Variants in RAB5C observed in about 807,000 individuals in gnomAD.
The protein encoded by RAB5C is RAB5C, member RAS oncogene family.
A neutral mutation model predicts 25.2 loss-of-function variants in RAB5C; 4 were observed. The ratio of observed to expected loss-of-function variants is 0.16; its 90% CI spans 0.08 to 0.36. The LOEUF (loss-of-function observed/expected upper bound fraction) is 0.36. Among genes scored for constraint, RAB5C ranks in the 10% least tolerant of loss-of-function variants. RAB5C has a pLI of 1.00. For missense variants in RAB5C, 199 were observed against 283.8 expected (o/e 0.70, Z 2.15); for synonymous variants, 100 against 106.4 (o/e 0.94, Z 0.37).
chr17:42,134,028 G>A (rs1298590941), intron 1 of RAB5C, among the ~76,000 whole-genome samples: 1 of 152,118 alleles, frequency 6.6e-6, no homozygotes, highest in East Asian at 1.9e-4. Flanking sequence ...GCCTGGCCCT[G>A]CTTGGTGATC....
rs560209770 is a variant in RAB5C, at chr17:42,130,536, C to T, written c.-34G>A. 1.1e-5 allele frequency: 18 copies of T among 1,611,668 alleles called. No individual in the cohort carries two copies. The African/African-American group carries it at 1.6e-4, about 14-fold the overall frequency. On this transcript the variant is annotated 5_prime_UTR_variant, in exon 2 of 6. Transcript: ENST00000346213. ...CAGCTGTAGTGGTCCAGAGAGCGTG[C>T]GGGTGGGGACTGGTGCTATGCAAAG...
intron 4 of RAB5C, among the ~76,000 whole-genome samples, chr17:42,127,229 G>A (rs1303013542): frequency 6.6e-6 from 1 of 152,182 alleles, no homozygotes; most frequent in Non-Finnish European, 1.5e-5. Context: ...TATTATTAGG[G>A]ATTGGTAAAA....
At chr17:42,150,544 C>CAAAAAAAAAAA (rs759878778) in intron 1 of RAB5C, among the ~76,000 whole-genome samples, 1 of 19,382 alleles carries the variant, frequency 5.2e-5, no homozygotes, top group African/African-American at 2.4e-4. Flanking sequence ...AACTCCATCT[C>CAAAAAAAAAAA]AAAAAAAAAA....
At chr17:42,127,624 G>C (rs2054440137) in intron 4 of RAB5C, among the ~76,000 whole-genome samples, 1 of 149,112 alleles carries the variant, frequency 6.7e-6, no homozygotes, top group African/African-American at 2.5e-5. Context: ...GCTCACTGCA[G>C]CCTCAATCTC....
At chr17:42,147,836 C>T (rs374231793) in intron 1 of RAB5C, among the ~76,000 whole-genome samples, 18 of 152,316 alleles carry the variant, frequency 1.2e-4, no homozygotes, top group African/African-American at 4.1e-4. Flanking sequence ...GTGGCTTACA[C>T]CTGTAATCCC....
intron 1 of RAB5C, chr17:42,131,802 G>A (rs1363536462): frequency 1.8e-6 from 1 of 562,150 alleles, no homozygotes; most frequent in African/African-American, 1.9e-5. Context: ...AGACACATGA[G>A]GAGCCTATCT....
chr17:42,133,318 A>C (rs928303458), intron 1 of RAB5C, among the ~76,000 whole-genome samples: 3 of 152,230 alleles, frequency 2.0e-5, no homozygotes, highest in African/African-American at 7.2e-5. Flanking sequence ...ATTCCAAAAA[A>C]ACCAAAGCAG....
At chr17:42,135,182 A>C (rs890019196) in intron 1 of RAB5C, among the ~76,000 whole-genome samples, 2 of 150,930 alleles carry the variant, frequency 1.3e-5, no homozygotes, top group South Asian at 4.2e-4. Flanking sequence ...GCGGGGTTTT[A>C]CCACGCTGGC....
intron 1 of RAB5C, among the ~76,000 whole-genome samples, chr17:42,143,093 G>C (rs368061364): frequency 1.3e-5 from 2 of 152,206 alleles, no homozygotes. Context: ...GAATGGGTGA[G>C]TAGAACAACA....
At chr17:42,126,508 A>G in intron 5 of RAB5C, 1 of 244,368 alleles carries the variant, frequency 4.1e-6, no homozygotes, top group Non-Finnish European at 8.0e-6. Context: ...GGTGGGCACC[A>G]GTAGTCCCAG....
At chr17:42,131,311 G>A (rs2054483231) in intron 1 of RAB5C, among the ~76,000 whole-genome samples, 2 of 151,728 alleles carry the variant, frequency 1.3e-5, no homozygotes, top group Middle Eastern at 3.2e-3. Context: ...ATTTTTGATG[G>A]GCCAAAGTCT....
intron 1 of RAB5C, among the ~76,000 whole-genome samples, chr17:42,142,147 T>C (rs956171343): frequency 6.9e-6 from 1 of 144,072 alleles, no homozygotes; most frequent in Non-Finnish European, 1.5e-5. Flanking sequence ...GCCCCAACCA[T>C]GCAAACCATA....
At chr17:42,150,217 G>A (rs942987145) in intron 1 of RAB5C, among the ~76,000 whole-genome samples, 2 of 151,672 alleles carry the variant, frequency 1.3e-5, no homozygotes, top group South Asian at 2.1e-4. Context: ...GGGATCAAGC[G>A]ATCCTCCCAA....
rs1028172671 is a variant in RAB5C at position 42,128,308 on chromosome 17, C to A, written c.394G>T (p.Ala132Ser). The A allele has an allele frequency of 3.1e-6, 5 of 1,614,010 alleles. No individual in the cohort carries two copies. In the African/African-American group the frequency reaches 6.7e-5, roughly 22 times the overall value. ...CTGGCCAGGTCTGCCTTGTTACCCG[C>A]GAGTGCAATGACGATGTTGGGGCTG... ...QASPNIVIAL[A>S]GNKADLASKR... Residue 132 changes from alanine (A) to serine (S), a missense_variant, in exon 4 of 6, where the codon GCG becomes TCG. This residue lies in a region of RAB5C where 154 missense variants were observed against 199.6 expected (regional missense o/e 0.77). Transcript: ENST00000346213.
At chr17:42,134,301 ATTATCCAC>A (rs1568020400) in intron 1 of RAB5C, among the ~76,000 whole-genome samples, 1 of 152,176 alleles carries the variant, frequency 6.6e-6, no homozygotes, top group Non-Finnish European at 1.5e-5. Context: ...CCTGGCAAAA[ATTATCCAC>A]TTGTGCAGTC....
chr17:42,147,054 AAAAG>A (rs1214101935), intron 1 of RAB5C, among the ~76,000 whole-genome samples: 94 of 150,990 alleles, frequency 6.2e-4, no homozygotes, highest in African/African-American at 1.2e-3. Context: ...GAAAGACAGA[AAAAG>A]AAAGAAAGAA....
At chr17:42,154,323 G>A (rs1255772284) in intron 1 of RAB5C, among the ~76,000 whole-genome samples, 1 of 152,200 alleles carries the variant, frequency 6.6e-6, no homozygotes, top group African/African-American at 2.4e-5. Flanking sequence ...CTCATTTCTA[G>A]TAAGTGACTT....
chr17:42,148,561 C>A (rs934184591), intron 1 of RAB5C, among the ~76,000 whole-genome samples: 2 of 152,100 alleles, frequency 1.3e-5, no homozygotes, highest in African/African-American at 4.8e-5. Context: ...AAACAGGACC[C>A]GATCTGTGCC....
At position 42,126,558 on chromosome 17, in the gene RAB5C, G is replaced by A. The variant is rs186280779; in HGVS notation, c.535+197C>T. On this transcript the variant is annotated intron_variant, in intron 5 of 5. Transcript: ENST00000346213. Reference sequence around the variant, plus strand: ...GAGGCAGGAGAATGGCGTGAACCTGGGGGGCGGAGCTTGCAGTGAGTCGAG... The same window carrying A: ...GAGGCAGGAGAATGGCGTGAACCTGAGGGGCGGAGCTTGCAGTGAGTCGAG... The A allele has an allele frequency of 4.7e-3, 1,530 of 328,504 alleles. 8 individuals carry two copies. The highest frequency in any genetic ancestry group is 7.8e-3 in the Admixed American group (174 of 22,422). The allele number at this position is 328,504 out of a possible 1,614,324, so 20.3% of individuals were successfully genotyped here.
Sources: gnomAD v4.1 joint callset for allele counts (sites outside exome capture counted in the v4.1 genomes callset) on GRCh38, gnomAD v4.1.1 for gene constraint, gnomAD v4.1.1 regional missense constraint, MANE v1.5 for transcripts, NCBI Gene and HGNC (gene_info 2026-07-23, HGNC 2026-07-21) for gene names.